PDGFB: variants seen among roughly 807,000 people sequenced by gnomAD.
The protein encoded by PDGFB is platelet derived growth factor subunit B.
A neutral mutation model predicts 29.0 loss-of-function variants in PDGFB; 6 were observed. The observed-to-expected ratio is 0.21, with a 90% confidence interval of 0.11 to 0.41. The LOEUF is 0.41. PDGFB is among the 10% of genes least tolerant of loss of function. PDGFB has a pLI of 1.00. For missense variants in PDGFB, 299 were observed against 341.8 expected, an observed-to-expected ratio of 0.87 and a Z score of 0.99; for synonymous variants, 144 against 140.8, an observed-to-expected ratio of 1.02 and a Z score of -0.16.
intron 1 of PDGFB, among the ~76,000 whole-genome samples, chr22:39,237,187 G>A (rs1448976457): frequency 1.3e-5 from 2 of 151,642 alleles, no homozygotes; most frequent in African/African-American, 4.8e-5. Flanking sequence ...GGCTCTCCCC[G>A]AAAGCTCTGT....
Position 39,223,368 on chromosome 22 carries a change from C to G in PDGFB, c.*1974G>C, listed in dbSNP as rs1478788933. 1 of 152,300 alleles carries G rather than the reference C, an allele frequency of 6.6e-6. No homozygotes were observed. Among genetic ancestry groups the G allele is most frequent in the African/African-American group, 2.4e-5 (1 of 41,468 alleles). 9.4% of individuals were successfully genotyped at this position (152,300 alleles called of 1,614,324 possible). A position where few individuals can be genotyped will look rare whatever the true frequency, so the allele number is the denominator to read the frequency against. On this transcript the variant is annotated 3_prime_UTR_variant, in exon 7 of 7. Transcript: ENST00000331163. ...TATGGAGACCCTCAGGCTGCAGAAA[C>G]CCATCTCTCGTCACTGCCAGAGACA...
intron 1 of PDGFB, chr22:39,240,896 C>G: frequency 1.7e-6 from 1 of 591,068 alleles, no homozygotes; most frequent in Non-Finnish European, 2.3e-6. Context: ...CTCAGTCAGT[C>G]TCTCTCTCTC....
chr22:39,230,207 G>A lies in PDGFB; in HGVS notation c.478C>T (p.Arg160Trp), dbSNP rs773106218. Residue 160 changes from arginine (R) to tryptophan (W), a missense_variant, in exon 5 of 7, where the codon CGG becomes TGG. Coordinates refer to ENST00000331163, the MANE Select transcript of PDGFB (RefSeq NM_002608.4). ...PVQVRKIEIV[R>W]KKPIFKKATV... ...GCCTTCTTAAAGATTGGCTTCTTCC[G>A]CACAATCTCGATCTTTCTCACCTGG... 5.0e-6 allele frequency: 8 copies of A among 1,613,830 alleles called. No individual in the cohort carries two copies. Among genetic ancestry groups the A allele is most frequent in the Middle Eastern group, 1.6e-4 (1 of 6,062 alleles).
intron 2 of PDGFB, among the ~76,000 whole-genome samples, chr22:39,234,324 C>T (rs976125345): frequency 2.0e-5 from 3 of 152,194 alleles, no homozygotes; most frequent in Non-Finnish European, 4.4e-5. Context: ...CGGTCCTTTC[C>T]AGAGCCCATG....
rs2146460939 is a variant in PDGFB, at chr22:39,244,978, T to C, written c.-1015A>G. Among the ~76,000 whole-genome samples, 1 of 151,680 alleles carries C rather than the reference T, an allele frequency of 6.6e-6. No homozygotes were observed. Among genetic ancestry groups the C allele is most frequent in the South Asian group, 2.1e-4 (1 of 4,800 alleles). On this transcript the variant is annotated 5_prime_UTR_variant, in exon 1 of 7. Transcript: ENST00000331163. This position sits in a 1 kb window ranked among gnomAD's most constrained non-coding sequence, Gnocchi z 4.5. ...CCGCTCCCGGCTGCAGGAGGAGAAGTTGCCACCCTTTCAGCTGTTCCGGCC... is the reference window on the plus strand; with the variant it reads ...CCGCTCCCGGCTGCAGGAGGAGAAGCTGCCACCCTTTCAGCTGTTCCGGCC...
intron 1 of PDGFB, among the ~76,000 whole-genome samples, chr22:39,239,532 C>A (rs1297562840): frequency 6.6e-6 from 1 of 152,160 alleles, no homozygotes; most frequent in Non-Finnish European, 1.5e-5. Flanking sequence ...CCGCCCGGAG[C>A]CTGGTTTTCC....
intron 3 of PDGFB, 90 bp downstream of exon 3, chr22:39,233,345 C>T (rs1358185416): frequency 1.0e-5 from 9 of 898,258 alleles, no homozygotes; most frequent in South Asian, 3.1e-5. Context: ...AGAGGACCCT[C>T]GGGGCCCTCC....
At chr22:39,225,563 TAACTG>T in intron 6 of PDGFB, 127 bp downstream of exon 6, 1 of 867,712 alleles carries the variant, frequency 1.2e-6, no homozygotes, top group Non-Finnish European at 1.7e-6. Context: ...CCCCAGCTGA[TAACTG>T]GACAGGGAGG....
intron 1 of PDGFB, among the ~76,000 whole-genome samples, chr22:39,241,923 G>C (rs1932576336): frequency 3.9e-5 from 6 of 152,068 alleles, no homozygotes; most frequent in Admixed American, 3.9e-4. Context: ...AAAAAAGTAG[G>C]TGCTGTGGTG....
At chr22:39,239,427 C>G (rs77247985) in intron 1 of PDGFB, among the ~76,000 whole-genome samples, 5,654 of 152,162 alleles carry the variant, frequency 0.037, 183 homozygotes, top group East Asian at 0.11. Flanking sequence ...GGGGGACACT[C>G]AGCACGTGCT....
chr22:39,230,741 A>G (rs1022966304), intron 4 of PDGFB, among the ~76,000 whole-genome samples: 2 of 152,348 alleles, frequency 1.3e-5, no homozygotes, highest in African/African-American at 4.8e-5. Flanking sequence ...GTGGGGCCCA[A>G]GCCAGGGAGG....
intron 1 of PDGFB, among the ~76,000 whole-genome samples, chr22:39,240,576 G>A (rs934355426): frequency 1.3e-5 from 2 of 151,980 alleles, no homozygotes; most frequent in African/African-American, 2.4e-5. Context: ...AGAGCAAAGC[G>A]AGGACTCAGT....
intron 5 of PDGFB, among the ~76,000 whole-genome samples, chr22:39,226,649 CT>C (rs1569133867): frequency 6.6e-6 from 1 of 152,178 alleles, no homozygotes; most frequent in South Asian, 2.1e-4. Context: ...CTACGACTCA[CT>C]TTTTTTTCTT....
At chr22:39,235,274 A>G (rs1293971812) in intron 2 of PDGFB, among the ~76,000 whole-genome samples, 1 of 152,134 alleles carries the variant, frequency 6.6e-6, no homozygotes, top group Non-Finnish European at 1.5e-5. Context: ...TTATAAATAC[A>G]TTGTCAATCC....
In PDGFB at chr22:39,233,510, C is replaced by T. The variant is rs1382001698; in HGVS notation, c.175G>A (p.Glu59Lys). The T allele has an allele frequency of 1.9e-6, 3 of 1,589,762 alleles. No homozygotes were observed. Among genetic ancestry groups the T allele is most frequent in the South Asian group, 2.3e-5 (2 of 87,350 alleles). ...GAGCGGGTCATGTTCAGGTCCAACT[C>T]GGCCCCATCTTCCTCTGCAGGAGAA... ...HGDPGEEDGAELDLNMTRSHS... is the reference protein window; with the variant it reads ...HGDPGEEDGAKLDLNMTRSHS... The change falls in exon 3 of 7, where the codon GAG becomes AAG. Residue 59 changes from glutamate to lysine, a missense_variant. Transcript: ENST00000331163.
chr22:39,228,595 A>C (rs964598741), intron 5 of PDGFB, among the ~76,000 whole-genome samples: 2 of 151,942 alleles, frequency 1.3e-5, no homozygotes, highest in Non-Finnish European at 1.5e-5. Context: ...CCTGTCTCTT[A>C]AAAAAGAAAG....
intron 1 of PDGFB, chr22:39,241,038 T>C (rs1405675716): frequency 2.6e-6 from 2 of 764,378 alleles, no homozygotes; most frequent in Admixed American, 4.1e-5. Flanking sequence ...ATTCCAGCAG[T>C]TGGTCTCCTG....
Position 39,237,949 on chromosome 22 carries a change from A to G in PDGFB, c.64-2075T>C, listed in dbSNP as rs150388468. Among the ~76,000 whole-genome samples, 54 of 152,352 alleles carry G rather than the reference A, an allele frequency of 3.5e-4. No individual in the cohort carries two copies. The East Asian group carries it at 8.3e-3, about 23-fold the overall frequency. On this transcript the variant is annotated intron_variant, in intron 1 of 6. Coordinates refer to ENST00000331163, the MANE Select transcript of PDGFB (RefSeq NM_002608.4). The stretch of plus-strand genomic sequence containing the variant: ...GGATCACTGGCAGAAGGAGAACAAG[A>G]AGCGTTTGTGGAGTAAAGATTCAAT...
chr22:39,225,753 C>G lies in PDGFB; in HGVS notation c.696G>C (p.Lys232Asn). Residue 232 changes from lysine (K) to asparagine (N), a missense_variant, in exon 6 of 7, where the codon AAG (lysine) becomes AAC (asparagine). Coordinates refer to ENST00000331163, the MANE Select transcript of PDGFB (RefSeq NM_002608.4). ...KHRKFKHTHD[K>N]TALKETLGA The stretch of plus-strand genomic sequence containing the variant: ...CTCCAAGGGTCTCCTTCAGTGCCGT[C>G]TTGTCATGCGTGTGCTTGAATTTCC... 6.2e-7 allele frequency: 1 copy of G among 1,614,156 alleles called. No individual in the cohort carries two copies. Among genetic ancestry groups the G allele is most frequent in the Non-Finnish European group, 8.5e-7 (1 of 1,180,016 alleles).
Sources: allele counts gnomAD v4.1 joint callset (sites outside exome capture counted in the v4.1 genomes callset), GRCh38; gene constraint gnomAD v4.1.1; non-coding constraint Gnocchi (gnomAD v3.1); transcripts MANE v1.5; gene names NCBI Gene and HGNC (gene_info 2026-07-23, HGNC 2026-07-21).